TTC6: variants seen among roughly 807,000 people sequenced by gnomAD.
TTC6 encodes tetratricopeptide repeat domain 6, also known as tetratricopeptide repeat protein 6.
TTC6 carries 172 observed loss-of-function variants against 210.4 expected under a neutral mutation model. The ratio of observed to expected loss-of-function variants is 0.82; its 90% confidence interval spans 0.72 to 0.93. The LOEUF (loss-of-function observed/expected upper bound fraction) is 0.93, where lower values mean the gene tolerates loss of function less well. Ranked by LOEUF, TTC6 falls within the 40% of genes least tolerant of loss-of-function variation. The pLI is 0.00. For synonymous variants in TTC6, 804 were observed against 819.6 expected (o/e 0.98, Z 0.32); for missense variants, 2,414 against 2,318.1 (o/e 1.04, Z -0.85).
chr14:37,768,857 A>G (rs1390735554), intron 14 of TTC6, among the ~76,000 whole-genome samples: 1 of 151,670 alleles, frequency 6.6e-6, no homozygotes, highest in African/African-American at 2.4e-5. Flanking sequence ...GAGTGGTGAG[A>G]AAGGGCATCC....
chr14:37,714,662 T>C, exon 6 of TTC6: 1 of 1,535,180 alleles, frequency 6.5e-7, no homozygotes. Context: ...TAGAATATTG[T>C]ATGGAATTCC....
At chr14:37,675,196 A>T (rs1325304001) in intron 1 of TTC6, among the ~76,000 whole-genome samples, 2 of 152,078 alleles carry the variant, frequency 1.3e-5, no homozygotes, top group Non-Finnish European at 2.9e-5. Context: ...TTCCAAAAGG[A>T]TACACTATAC....
intron 26 of TTC6, among the ~76,000 whole-genome samples, chr14:37,818,288 A>G (rs1337316916): frequency 6.6e-6 from 1 of 152,152 alleles, no homozygotes; most frequent in Non-Finnish European, 1.5e-5. Flanking sequence ...ATACTCTGAA[A>G]TAATATTATA....
intron 14 of TTC6, among the ~76,000 whole-genome samples, chr14:37,778,354 T>A (rs2096044370): frequency 7.2e-6 from 1 of 137,996 alleles, no homozygotes; most frequent in Non-Finnish European, 1.7e-5. Flanking sequence ...GCTGGTGGTC[T>A]CTGTGTGTGC....
At chr14:37,623,173 C>A (rs538178024) in intron 1 of TTC6, among the ~76,000 whole-genome samples, 170 bp downstream of exon 3, 32 of 152,192 alleles carry the variant, frequency 2.1e-4, no homozygotes, top group African/African-American at 7.7e-4. Flanking sequence ...TTGAATTTTC[C>A]ATTTGAATTT....
chr14:37,663,945 G>GCAATAAAATGGATAAATCCAGAGACTCAT (rs1555384823), intron 1 of TTC6, among the ~76,000 whole-genome samples: 3 of 148,942 alleles, frequency 2.0e-5, no homozygotes, highest in Non-Finnish European at 3.0e-5. Flanking sequence ...TAGCTAATAA[G>GCAATAAAATGGATAAATCCAGAGACTCAT]GGAAGTGAAG....
intron 16 of TTC6, among the ~76,000 whole-genome samples, chr14:37,791,589 C>A (rs187919907): frequency 6.6e-6 from 1 of 151,962 alleles, no homozygotes; most frequent in Non-Finnish European, 1.5e-5. Context: ...TTCTTTTGGA[C>A]ATTTTTGAGC....
chr14:37,816,365 G>A (rs1202256726), intron 25 of TTC6, among the ~76,000 whole-genome samples: 1 of 152,106 alleles, frequency 6.6e-6, no homozygotes, highest in Non-Finnish European at 1.5e-5. Context: ...TTGTGGAAGG[G>A]AGGAGGAGTG....
intron 15 of TTC6, among the ~76,000 whole-genome samples, chr14:37,789,744 T>A (rs2096075322): frequency 6.6e-6 from 1 of 151,672 alleles, no homozygotes; most frequent in African/African-American, 2.4e-5. Context: ...AGAAATCCCC[T>A]AATAATGCAT....
At chr14:37,771,122 A>C (rs1205447936) in intron 14 of TTC6, among the ~76,000 whole-genome samples, 2 of 151,524 alleles carry the variant, frequency 1.3e-5, no homozygotes, top group Non-Finnish European at 2.9e-5. Context: ...AAGAATGTTG[A>C]ATATTGGCCC....
intron 1 of TTC6, among the ~76,000 whole-genome samples, chr14:37,603,218 A>G (rs2095619113): frequency 6.6e-6 from 1 of 152,212 alleles, no homozygotes; most frequent in Non-Finnish European, 1.5e-5. Context: ...GACCTCTAAT[A>G]TGCTAGGGAA....
exon 21 of TTC6, chr14:37,804,705 C>T (rs763887430): frequency 1.9e-5 from 30 of 1,613,918 alleles, no homozygotes; most frequent in Non-Finnish European, 2.5e-5. Context: ...CTTAAGAAGG[C>T]TTTGGATGCC....
exon 16 of TTC6, chr14:37,790,829 T>C (rs17107106): frequency 0.16 from 242,046 of 1,530,648 alleles, 20,466 homozygotes; most frequent in East Asian, 0.34. Context: ...CTGTCATTTC[T>C]CTAGAAAGGT....
intron 17 of TTC6, among the ~76,000 whole-genome samples, chr14:37,792,952 G>A (rs866028197): frequency 1.8e-4 from 27 of 152,124 alleles, no homozygotes; most frequent in Admixed American, 3.9e-4. Flanking sequence ...TGCCCCTGCC[G>A]TGACAAATTA....
chr14:37,781,091 G>C (rs141004633), intron 14 of TTC6, among the ~76,000 whole-genome samples: 2 of 152,116 alleles, frequency 1.3e-5, no homozygotes, highest in African/African-American at 4.8e-5. Flanking sequence ...ATAAACATAC[G>C]TGTGCATGTG....
chr14:37,831,940 T>A (rs146928066), intron 29 of TTC6, among the ~76,000 whole-genome samples: 1 of 152,194 alleles, frequency 6.6e-6, no homozygotes, highest in African/African-American at 2.4e-5. Context: ...CAGCTTGATA[T>A]AAACCCACTT....
intron 4 of TTC6, among the ~76,000 whole-genome samples, chr14:37,698,349 G>A (rs2095818573): frequency 6.6e-6 from 1 of 152,050 alleles, no homozygotes; most frequent in Non-Finnish European, 1.5e-5. Context: ...GACTATAATG[G>A]GTGCATGGGA....
chr14:37,826,141 G>T, intron 27 of TTC6, 54 bp from the exon 30 acceptor site: 1 of 1,508,204 alleles, frequency 6.6e-7, no homozygotes, highest in Non-Finnish European at 8.9e-7. Flanking sequence ...AATCATAAAC[G>T]TTTGTCATGT....
intron 1 of TTC6, among the ~76,000 whole-genome samples, chr14:37,661,850 T>C (rs975703634): frequency 6.6e-6 from 1 of 152,184 alleles, no homozygotes; most frequent in African/African-American, 2.4e-5. Context: ...CCTTAAGCAG[T>C]GGTTTGTAGT....
Sources: allele counts gnomAD v4.1 joint callset (sites outside exome capture counted in the v4.1 genomes callset), GRCh38; gene constraint gnomAD v4.1.1; transcripts MANE v1.5; gene names NCBI Gene and HGNC (gene_info 2026-07-23, HGNC 2026-07-21).